Variants in RBFOX1 observed in about 807,000 individuals in gnomAD.
The protein encoded by RBFOX1 is RNA binding protein fox-1 homolog 1.
Under a neutral mutation model 57.7 loss-of-function variants are expected in RBFOX1, and 8 were observed. That is an observed-to-expected ratio of 0.14 (90% CI 0.08 to 0.25). The LOEUF is 0.25. Among genes scored for constraint, RBFOX1 ranks in the 10% least tolerant of loss-of-function variants. The pLI, the probability that RBFOX1 is intolerant of heterozygous loss-of-function variation, is 1.00. For missense variants in RBFOX1, 611 were observed against 548.5 expected (o/e 1.11, Z -1.14); for synonymous variants, 326 against 222.4 (o/e 1.47, Z -4.15).
chr16:6,718,210 A>G (rs2065219877), intron 3 of RBFOX1, among the ~76,000 whole-genome samples: 1 of 152,210 alleles, frequency 6.6e-6, no homozygotes. Flanking sequence ...ATGAAATAAT[A>G]ACAGCAATTA....
intron 4 of RBFOX1, among the ~76,000 whole-genome samples, chr16:7,400,968 C>G (rs758437688): frequency 6.6e-6 from 1 of 152,212 alleles, no homozygotes; most frequent in Admixed American, 6.5e-5. Context: ...ATATGTTACC[C>G]TGCCAACCTT....
intron 1 of RBFOX1, among the ~76,000 whole-genome samples, chr16:5,451,817 A>C (rs898209483): frequency 1.3e-5 from 2 of 152,028 alleles, no homozygotes. Flanking sequence ...AGCCCTTTCA[A>C]GTTTTACTTT....
intron 2 of RBFOX1, among the ~76,000 whole-genome samples, chr16:5,499,730 G>C (rs774135799): frequency 6.6e-6 from 1 of 151,858 alleles, no homozygotes; most frequent in Non-Finnish European, 1.5e-5. Flanking sequence ...CCACCACCAC[G>C]CCTGGCTAAT....
intron 2 of RBFOX1, among the ~76,000 whole-genome samples, chr16:6,514,141 G>A (rs1017564455): frequency 2.6e-5 from 4 of 152,232 alleles, no homozygotes; most frequent in African/African-American, 4.8e-5. Flanking sequence ...TAGGTGTCAC[G>A]TTCCATCCAG....
chr16:5,402,812 C>T (rs1350045502), intron 1 of RBFOX1, among the ~76,000 whole-genome samples: 3 of 152,146 alleles, frequency 2.0e-5, no homozygotes, highest in African/African-American at 7.2e-5. Context: ...CCCTCTGTTT[C>T]ACTTTCTTTC....
chr16:6,537,204 A>G (rs533152271), intron 2 of RBFOX1, among the ~76,000 whole-genome samples: 1 of 152,078 alleles, frequency 6.6e-6, no homozygotes, highest in African/African-American at 2.4e-5. Flanking sequence ...GGAGCCTGAG[A>G]TTCGGCACTT....
At chr16:5,718,773 G>C (rs1271092923) in intron 3 of RBFOX1, among the ~76,000 whole-genome samples, 4 of 152,152 alleles carry the variant, frequency 2.6e-5, no homozygotes, top group African/African-American at 9.7e-5. Context: ...CCGGGGCATA[G>C]TCGTGGGTAC....
intron 3 of RBFOX1, among the ~76,000 whole-genome samples, chr16:7,000,877 C>A (rs541042423): frequency 6.6e-6 from 1 of 152,144 alleles, no homozygotes; most frequent in Non-Finnish European, 1.5e-5. Context: ...GCTGGGATTA[C>A]AGGCGTGAGC....
chr16:6,284,376 A>C (rs2076688550), intron 1 of RBFOX1, among the ~76,000 whole-genome samples: 1 of 152,128 alleles, frequency 6.6e-6, no homozygotes, highest in South Asian at 2.1e-4. Flanking sequence ...TAAGCTGCCG[A>C]TATTTGAAAG....
chr16:6,868,432 G>A (rs927919202), intron 3 of RBFOX1, among the ~76,000 whole-genome samples: 1 of 152,064 alleles, frequency 6.6e-6, no homozygotes, highest in African/African-American at 2.4e-5. Context: ...TTGCCAGGGC[G>A]AGGTAGGAAA....
intron 1 of RBFOX1, among the ~76,000 whole-genome samples, chr16:5,440,948 G>A (rs1352794553): frequency 2.0e-5 from 3 of 152,092 alleles, no homozygotes; most frequent in African/African-American, 7.2e-5. Context: ...GACTCACTTT[G>A]TCATACTTCT....
chr16:5,310,294 CAGG>C (rs1429365515), intron 1 of RBFOX1, among the ~76,000 whole-genome samples: 1 of 152,030 alleles, frequency 6.6e-6, no homozygotes, highest in Admixed American at 6.5e-5. Flanking sequence ...CCCAGATACT[CAGG>C]AGGCTGAGGC....
chr16:6,413,495 C>T (rs963533805), intron 2 of RBFOX1, among the ~76,000 whole-genome samples: 2 of 152,026 alleles, frequency 1.3e-5, no homozygotes, highest in Non-Finnish European at 2.9e-5. Flanking sequence ...ATGGTTAGGA[C>T]AGTGAAATTT....
At chr16:6,495,031 C>T (rs1381709154) in intron 2 of RBFOX1, among the ~76,000 whole-genome samples, 5 of 152,186 alleles carry the variant, frequency 3.3e-5, no homozygotes, top group African/African-American at 1.2e-4. Context: ...CAAGATTATA[C>T]AGTCATCACC....
chr16:7,264,769 G>T (rs959071554), intron 4 of RBFOX1, among the ~76,000 whole-genome samples: 3 of 152,104 alleles, frequency 2.0e-5, no homozygotes, highest in African/African-American at 7.2e-5. Flanking sequence ...AGATAGTGGG[G>T]CACATTTGGC....
intron 1 of RBFOX1, among the ~76,000 whole-genome samples, chr16:6,191,144 T>C (rs2097139285): frequency 6.6e-6 from 1 of 151,704 alleles, no homozygotes; most frequent in African/African-American, 2.4e-5. Flanking sequence ...TTTTTTTTTT[T>C]TTCTTCATCT....
At chr16:5,359,209 C>T (rs998560086) in intron 1 of RBFOX1, among the ~76,000 whole-genome samples, 1 of 152,198 alleles carries the variant, frequency 6.6e-6, no homozygotes, top group African/African-American at 2.4e-5. Context: ...TTTATCCATT[C>T]ATCTGTTGAT....
In RBFOX1 at chr16:6,857,948, A is replaced by G. The variant is rs183399816; in HGVS notation, c.-15-194109A>G. 3.5e-3 allele frequency among the ~76,000 whole-genome samples: 535 copies of G among 152,296 alleles called. 2 individuals carry two copies. The highest frequency in any genetic ancestry group is 5.1e-3 in the Non-Finnish European group (349 of 68,028). On this transcript the variant is annotated intron_variant, in intron 3 of 15. Coordinates refer to ENST00000550418, the MANE Select transcript of RBFOX1 (RefSeq NM_018723.4). ...CTTTATTTTATTTTTAAGCATCAAG[A>G]CAATACTGGTTTTTCGTAGGTCAGA...
intron 4 of RBFOX1, among the ~76,000 whole-genome samples, chr16:7,059,628 T>C (rs1447198103): frequency 6.6e-6 from 1 of 152,210 alleles, no homozygotes; most frequent in Non-Finnish European, 1.5e-5. Flanking sequence ...GAAGCTTACC[T>C]GATTGACCTT....
Sources: gnomAD v4.1 joint callset for allele counts (sites outside exome capture counted in the v4.1 genomes callset) on GRCh38, gnomAD v4.1.1 for gene constraint, MANE v1.5 for transcripts, NCBI Gene and HGNC (gene_info 2026-07-23, HGNC 2026-07-21) for gene names.